The following JMJD1C variants were observed in gnomAD, a reference collection of about 807,000 sequenced individuals.
JMJD1C encodes jumonji domain containing 1C.
In JMJD1C, 31 loss-of-function variants were observed where a neutral mutation model predicts 245.3. The observed-to-expected ratio is 0.13, with a 90% CI of 0.09 to 0.17. The LOEUF (loss-of-function observed/expected upper bound fraction) is 0.17. Ranked by LOEUF, JMJD1C falls within the 10% of genes least tolerant of loss-of-function variation. The probability of loss-of-function intolerance (pLI) is 1.00; values close to 1 mark genes in which losing one functional copy is unlikely to be tolerated. For synonymous variants in JMJD1C, 1,057 were observed against 1,017.4 expected, an observed-to-expected ratio of 1.04 and a Z score of -0.74; for missense variants, 2,691 against 3,000.2, an observed-to-expected ratio of 0.90 and a Z score of 2.41.
chr10:63,207,785 C>A lies in JMJD1C; in HGVS notation c.3884G>T (p.Ser1295Ile). The change falls in exon 10 of 26, where the codon AGC becomes ATC. Residue 1295 changes from serine (S) to isoleucine (I), a missense_variant. By Grantham distance (142) the Ser-to-Ile change is moderately radical. Around this residue, in one of 9 missense-constraint regions of JMJD1C, gnomAD observed 1,562 missense variants for 1,490.7 expected, o/e 1.05. Coordinates refer to ENST00000399262, the MANE Select transcript of JMJD1C (RefSeq NM_032776.3). ...EKTEWHVEKS[S>I]GKLQAAMASV... is the part of the protein sequence containing the mutation. ...TGCCATAGCAGCCTGTAACTTTCCGCTGCTTTTCTCCACATGCCATTCAGT... is the reference window on the plus strand; with the variant it reads ...TGCCATAGCAGCCTGTAACTTTCCGATGCTTTTCTCCACATGCCATTCAGT... 1.2e-6 allele frequency: 2 copies of A among 1,614,194 alleles called. No individual in the cohort carries two copies. The highest frequency in any genetic ancestry group is 1.7e-6 in the Non-Finnish European group (2 of 1,180,028).
intron 1 of JMJD1C, among the ~76,000 whole-genome samples, chr10:63,424,581 A>G (rs555832595): frequency 3.6e-4 from 27 of 75,738 alleles, no homozygotes; most frequent in Non-Finnish European, 8.9e-4. Context: ...ACTGTGGCTC[A>G]CTGCAGCCTC....
In JMJD1C at chr10:63,290,154, G is replaced by A. The variant is rs148135261; in HGVS notation, c.334-25390C>T. 1.4e-3 allele frequency among the ~76,000 whole-genome samples: 214 copies of A among 152,106 alleles called. 5 individuals are homozygous for A. In the East Asian group the frequency reaches 0.033, roughly 24 times the overall value. On this transcript the variant is annotated intron_variant, in intron 2 of 25. Coordinates refer to ENST00000399262, the MANE Select transcript of JMJD1C (RefSeq NM_032776.3). ...ATAACTGAAAAAAACAAACCTTAAA[G>A]GAAGGTCTAAACTTTTATAACTGAG... is the stretch of plus-strand genomic sequence containing the variant.
chr10:63,380,510 T>G, intron 1 of JMJD1C, 28 bp from the exon 2 acceptor site: 1 of 1,577,254 alleles, frequency 6.3e-7, no homozygotes, highest in Non-Finnish European at 8.7e-7. Context: ...CAAAATTCAA[T>G]TAGCAAAATA....
chr10:63,233,226 T>C (rs571096655), intron 3 of JMJD1C, among the ~76,000 whole-genome samples: 3 of 152,288 alleles, frequency 2.0e-5, no homozygotes, highest in African/African-American at 7.2e-5. Context: ...ATGTGTCCAA[T>C]TAACCTGCAT....
At chr10:63,374,623 G>A (rs1946574599) in intron 2 of JMJD1C, among the ~76,000 whole-genome samples, 1 of 152,138 alleles carries the variant, frequency 6.6e-6, no homozygotes, top group African/African-American at 2.4e-5. Context: ...AATCAGAGAT[G>A]CAGACAAAGG....
chr10:63,240,335 A>T (rs968054900), intron 3 of JMJD1C, among the ~76,000 whole-genome samples: 1 of 152,226 alleles, frequency 6.6e-6, no homozygotes, highest in Non-Finnish European at 1.5e-5. Context: ...AACATACAGC[A>T]AAGACTGATT....
intron 1 of JMJD1C, among the ~76,000 whole-genome samples, chr10:63,458,614 A>G (rs750991309): frequency 2.6e-5 from 4 of 152,202 alleles, no homozygotes; most frequent in Non-Finnish European, 5.9e-5. Context: ...CTACACCACC[A>G]AAAATCGTAT....
intron 2 of JMJD1C, among the ~76,000 whole-genome samples, chr10:63,312,728 T>C (rs1939393608): frequency 6.6e-6 from 1 of 152,162 alleles, no homozygotes; most frequent in Non-Finnish European, 1.5e-5. Flanking sequence ...CTCCATAGTA[T>C]GTTTTATAAT....
intron 1 of JMJD1C, among the ~76,000 whole-genome samples, chr10:63,510,896 ATTGTTG>A (rs1443382128): frequency 6.6e-6 from 1 of 152,200 alleles, no homozygotes; most frequent in Non-Finnish European, 1.5e-5. Flanking sequence ...GATATTAAGA[ATTGTTG>A]TATCTTCTTG....
intron 2 of JMJD1C, among the ~76,000 whole-genome samples, chr10:63,303,183 CTT>C (rs1399794934): frequency 6.6e-6 from 1 of 152,196 alleles, no homozygotes; most frequent in African/African-American, 2.4e-5. Flanking sequence ...ATTTAAAACT[CTT>C]TGCATCTAAG....
chr10:63,316,937 G>A (rs549509708), intron 2 of JMJD1C, among the ~76,000 whole-genome samples: 15 of 152,240 alleles, frequency 9.9e-5, no homozygotes, highest in African/African-American at 3.4e-4. Context: ...TTGGCTCACT[G>A]CAACATCCAC....
chr10:63,232,480 T>C (rs1463009166), intron 3 of JMJD1C, among the ~76,000 whole-genome samples: 1 of 152,196 alleles, frequency 6.6e-6, no homozygotes, highest in South Asian at 2.1e-4. Context: ...AGAATGAGTA[T>C]AGCTAAAACC....
chr10:63,498,724 G>A (rs1320428503), intron 1 of JMJD1C, among the ~76,000 whole-genome samples: 1 of 151,798 alleles, frequency 6.6e-6, no homozygotes, highest in Non-Finnish European at 1.5e-5. Context: ...ATTGTGGTAA[G>A]ACCACTTAAT....
intron 2 of JMJD1C, among the ~76,000 whole-genome samples, chr10:63,302,313 G>A (rs1044339505): frequency 2.0e-5 from 3 of 152,152 alleles, no homozygotes; most frequent in Non-Finnish European, 2.9e-5. Context: ...AAAAATGCCT[G>A]AGTAAATGAA....
In JMJD1C at chr10:63,186,433, T is replaced by G. The variant is rs906943181; in HGVS notation, c.6571-50A>C. 4.9e-6 allele frequency: 7 copies of G among 1,431,296 alleles called. No individual in the cohort carries two copies. The African/African-American group carries it at 7.3e-5, about 15-fold the overall frequency. The allele number at this position is 1,431,296 out of a possible 1,614,324, so 88.7% of individuals were successfully genotyped here. A position where few individuals can be genotyped will look rare whatever the true frequency, so the allele number is the denominator to read the frequency against. ...AGTTAAAAGATATATAGACTTTCTT[T>G]TTTGTTTGTTTGTTTGTTTGTTTGA... On this transcript the variant is annotated intron_variant, in intron 18 of 25. Coordinates refer to ENST00000399262, the MANE Select transcript of JMJD1C (RefSeq NM_032776.3).
intron 1 of JMJD1C, among the ~76,000 whole-genome samples, chr10:63,493,715 A>C (rs1287929228): frequency 2.0e-5 from 3 of 152,226 alleles, no homozygotes; most frequent in Non-Finnish European, 4.4e-5. Flanking sequence ...CAGAAGCATA[A>C]ATGTTCTCTT....
chr10:63,464,659 T>A (rs778866243), intron 1 of JMJD1C, among the ~76,000 whole-genome samples: 18 of 150,954 alleles, frequency 1.2e-4, no homozygotes, highest in African/African-American at 1.7e-4. Context: ...ATACCTACGC[T>A]ACTCAAAGAA....
intron 17 of JMJD1C, among the ~76,000 whole-genome samples, chr10:63,190,532 C>T (rs1370496932): frequency 1.3e-5 from 2 of 152,118 alleles, no homozygotes; most frequent in South Asian, 2.1e-4. Flanking sequence ...AATTATACTG[C>T]TCTTTTTTCC....
chr10:63,413,786 T>G (rs1778794989), intron 1 of JMJD1C, among the ~76,000 whole-genome samples: 1 of 152,112 alleles, frequency 6.6e-6, no homozygotes, highest in Non-Finnish European at 1.5e-5. Context: ...AATGAAAGAG[T>G]CAAAAATGTT....
Sources: allele counts gnomAD v4.1 joint callset (sites outside exome capture counted in the v4.1 genomes callset), GRCh38; gene constraint gnomAD v4.1.1; regional missense constraint gnomAD v4.1.1; transcripts MANE v1.5; gene names NCBI Gene and HGNC (gene_info 2026-07-23, HGNC 2026-07-21).